The following XNDC1N variants were observed in gnomAD, a reference collection of about 807,000 sequenced individuals.
XNDC1N encodes protein XNDC1N.
chr11:71,925,396 C>T, the XNDC1N span, among the ~76,000 whole-genome samples: 3 of 152,210 alleles, frequency 2.0e-5, no homozygotes, highest in African/African-American at 7.2e-5. Context: ...GGGTAGATTG[C>T]AGCAATAGCA....
the XNDC1N span, chr11:71,928,295 TTTCCTTGATGGCCACCCTCC>T: frequency 1.7e-6 from 1 of 605,732 alleles, no homozygotes; most frequent in Admixed American, 2.9e-5. Flanking sequence ...GCTCAGTTCA[TTTCCTTGATGGCCACCCTCC>T]TCCCTCTCGG....
At chr11:71,905,136 TCACA>T in the XNDC1N span, among the ~76,000 whole-genome samples, 1 of 151,936 alleles carries the variant, frequency 6.6e-6, no homozygotes, top group Non-Finnish European at 1.5e-5. Flanking sequence ...CAGGAGGTGT[TCACA>T]CACAATGTGT....
the XNDC1N span, among the ~76,000 whole-genome samples, chr11:71,895,370 C>G: frequency 6.6e-6 from 1 of 151,842 alleles, no homozygotes; most frequent in African/African-American, 2.4e-5. Flanking sequence ...AGTTCAATGG[C>G]ACGGTCTCGG....
the XNDC1N span, among the ~76,000 whole-genome samples, chr11:71,919,949 T>C: frequency 4.0e-4 from 36 of 89,916 alleles, 1 homozygote; most frequent in Non-Finnish European, 5.8e-4. Context: ...TTTTTTTTTT[T>C]TTTTTTTTTT....
At chr11:71,888,116 G>T in the XNDC1N span, among the ~76,000 whole-genome samples, 121 of 152,296 alleles carry the variant, frequency 7.9e-4, no homozygotes, top group South Asian at 2.3e-3. Flanking sequence ...CCCCACGGCA[G>T]TTGGGTGTGC....
At chr11:71,901,479 A>G in the XNDC1N span, among the ~76,000 whole-genome samples, 1 of 151,650 alleles carries the variant, frequency 6.6e-6, no homozygotes, top group African/African-American at 2.4e-5. Context: ...GGCGACTGTC[A>G]TCTCAGCTAC....
At chr11:71,886,678 C>G in the XNDC1N span, among the ~76,000 whole-genome samples, 2 of 152,264 alleles carry the variant, frequency 1.3e-5, no homozygotes, top group East Asian at 3.9e-4. Context: ...CGTCAAAGCG[C>G]AGAAGACATG....
At chr11:71,926,913 A>AAAATG in the XNDC1N span, among the ~76,000 whole-genome samples, 6 of 128,774 alleles carry the variant, frequency 4.7e-5, no homozygotes, top group Non-Finnish European at 8.8e-5. Flanking sequence ...AAAATGAAAT[A>AAAATG]AAATAAAATA....
the XNDC1N span, among the ~76,000 whole-genome samples, chr11:71,888,727 T>A: frequency 0.073 from 11,039 of 152,186 alleles, 642 homozygotes; most frequent in African/African-American, 0.16. Flanking sequence ...AACTGAACAT[T>A]AAGGCCTCCC....
At chr11:71,893,995 A>C in the XNDC1N span, 1 of 1,014,346 alleles carries the variant, frequency 9.9e-7, no homozygotes, top group Non-Finnish European at 1.4e-6. Flanking sequence ...GGAAATCTCT[A>C]ATTCTGTCTG....
At chr11:71,909,225 G>A in the XNDC1N span, among the ~76,000 whole-genome samples, 6 of 151,982 alleles carry the variant, frequency 3.9e-5, no homozygotes, top group Non-Finnish European at 7.4e-5. Flanking sequence ...CCAGGTGTTT[G>A]TAAACAGGGA....
chr11:71,870,354 T>C, the XNDC1N span, among the ~76,000 whole-genome samples: 1 of 152,150 alleles, frequency 6.6e-6, no homozygotes, highest in East Asian at 1.9e-4. Flanking sequence ...AAGGCTCAGC[T>C]CATTACTCCG....
At chr11:71,918,527 C>T in the XNDC1N span, among the ~76,000 whole-genome samples, 1,595 of 152,302 alleles carry the variant, frequency 0.01, 17 homozygotes, top group African/African-American at 0.037. Context: ...AGGGATCCTC[C>T]CGCCTTCGCC....
At chr11:71,906,731 C>T in the XNDC1N span, among the ~76,000 whole-genome samples, 1 of 152,160 alleles carries the variant, frequency 6.6e-6, no homozygotes, top group South Asian at 2.1e-4. Flanking sequence ...GAAGATTACA[C>T]GTAATATCAC....
At chr11:71,918,694 A>C in the XNDC1N span, among the ~76,000 whole-genome samples, 110 of 152,328 alleles carry the variant, frequency 7.2e-4, no homozygotes, top group African/African-American at 2.5e-3. Flanking sequence ...TTCTATGTGA[A>C]TAGAGCCCTT....
At chr11:71,890,694 C>T in the XNDC1N span, among the ~76,000 whole-genome samples, 4 of 151,862 alleles carry the variant, frequency 2.6e-5, no homozygotes, top group Admixed American at 1.3e-4. Flanking sequence ...ACAACCCCTG[C>T]GATATTTGGA....
the XNDC1N span, among the ~76,000 whole-genome samples, chr11:71,885,206 T>C: frequency 6.6e-6 from 1 of 152,020 alleles, no homozygotes; most frequent in Non-Finnish European, 1.5e-5. Context: ...CTCCCTGGGA[T>C]ATCGCGTGTC....
At chr11:71,884,641 T>C in the XNDC1N span, 3 of 1,490,486 alleles carry the variant, frequency 2.0e-6, no homozygotes, top group African/African-American at 4.2e-5. Flanking sequence ...ATTAACATGA[T>C]AGATGAAAAT....
At chr11:71,908,231 TCA>T in the XNDC1N span, among the ~76,000 whole-genome samples, 4 of 151,904 alleles carry the variant, frequency 2.6e-5, no homozygotes, top group Non-Finnish European at 5.9e-5. Context: ...TAAAAAGTTT[TCA>T]GATTATTAAT....
Sources: allele counts gnomAD v4.1 joint callset (sites outside exome capture counted in the v4.1 genomes callset), GRCh38; gene constraint gnomAD v4.1.1; transcripts MANE v1.5; gene names NCBI Gene and HGNC (gene_info 2026-07-23, HGNC 2026-07-21).